CYTH4: variants seen among roughly 807,000 people sequenced by gnomAD.
CYTH4 encodes the protein cytohesin 4, also known as cytohesin-4.
CYTH4 carries 22 observed loss-of-function variants against 57.5 expected under a neutral mutation model. That is an observed-to-expected ratio of 0.38 (90% CI 0.27 to 0.55). The LOEUF (loss-of-function observed/expected upper bound fraction) is 0.55. Among genes scored for constraint, CYTH4 ranks in the 20% least tolerant of loss-of-function variants. The probability of loss-of-function intolerance (pLI) is 0.74; values close to 1 mark genes in which losing one functional copy is unlikely to be tolerated. For synonymous variants in CYTH4, 186 were observed against 206.5 expected, an observed-to-expected ratio of 0.90 and a Z score of 0.85; for missense variants, 420 against 535.6, an observed-to-expected ratio of 0.78 and a Z score of 2.13.
Position 37,311,277 on chromosome 22 carries a change from C to G in CYTH4, c.886-179C>G, listed in dbSNP as rs1265847878. Among the ~76,000 whole-genome samples, 2 of 152,208 alleles carry G rather than the reference C, an allele frequency of 1.3e-5. No homozygotes were observed. Among genetic ancestry groups the G allele is most frequent in the South Asian group, 2.1e-4 (1 of 4,828 alleles). The stretch of plus-strand genomic sequence containing the variant: ...GAGCCCAGGCTTAAAGCTGGGCCTC[C>G]TAAGTTCCGGCCAGAGGTCTTCACA... On this transcript the variant is annotated intron_variant, in intron 10 of 12. Transcript: ENST00000248901. The surrounding 1 kb of genome is among the most constrained non-coding windows in gnomAD (Gnocchi z 4.4).
chr22:37,302,161 G>T, intron 7 of CYTH4: 1 of 165,004 alleles, frequency 6.1e-6, no homozygotes. Context: ...GCCCTACTTT[G>T]TGGTTAGATC....
intron 8 of CYTH4, among the ~76,000 whole-genome samples, chr22:37,308,065 T>A (rs1929465670): frequency 6.6e-6 from 1 of 152,058 alleles, no homozygotes; most frequent in South Asian, 2.1e-4. Flanking sequence ...CCCCGGCCCA[T>A]CCAGCATAGG....
chr22:37,285,111 C>T (rs1025355594), intron 1 of CYTH4, among the ~76,000 whole-genome samples: 5 of 152,186 alleles, frequency 3.3e-5, no homozygotes, highest in African/African-American at 4.8e-5. Context: ...CCTCCTCCTG[C>T]CCTGGAAAGG....
chr22:37,303,231 T>A, intron 7 of CYTH4, 23 bp from the exon 8 acceptor site: 1 of 1,613,178 alleles, frequency 6.2e-7, no homozygotes, highest in Non-Finnish European at 8.5e-7. Context: ...GGGCCAGAAC[T>A]GTGACCGCTG....
intron 1 of CYTH4, among the ~76,000 whole-genome samples, chr22:37,286,784 A>G (rs1018808): frequency 0.58 from 88,733 of 151,876 alleles, 26,225 homozygotes; most frequent in South Asian, 0.78. Context: ...TGAGAGGAGC[A>G]TGGAGGGGAT....
chr22:37,299,992 CA>C (rs753851064), intron 6 of CYTH4: 2 of 709,010 alleles, frequency 2.8e-6, no homozygotes, highest in East Asian at 2.7e-5. Context: ...CTCTGTCTCA[CA>C]AAAAAATAAA....
intron 4 of CYTH4, 145 bp downstream of exon 4, chr22:37,296,210 G>A: frequency 1.2e-6 from 1 of 856,572 alleles, no homozygotes; most frequent in South Asian, 1.8e-5. Context: ...CTTGTCCAGT[G>A]CCCCATGGCC....
intron 8 of CYTH4, among the ~76,000 whole-genome samples, chr22:37,304,549 C>A (rs776569149): frequency 6.6e-6 from 1 of 152,178 alleles, no homozygotes; most frequent in African/African-American, 2.4e-5. Context: ...AGAGGGGGCG[C>A]GAACACCACG....
At chr22:37,292,985 G>C (rs147769809) in intron 2 of CYTH4, among the ~76,000 whole-genome samples, 1 of 152,184 alleles carries the variant, frequency 6.6e-6, no homozygotes, top group African/African-American at 2.4e-5. Context: ...TCACAGGGCA[G>C]GCTCTGACCC....
At chr22:37,310,390 T>A (rs774063739) in intron 9 of CYTH4, among the ~76,000 whole-genome samples, 3 of 152,258 alleles carry the variant, frequency 2.0e-5, no homozygotes, top group Non-Finnish European at 2.9e-5. Context: ...AGCTGTAAGA[T>A]GGGGAGAATG....
In CYTH4 at chr22:37,303,237, C is replaced by T. The variant is rs778462920; in HGVS notation, c.548-17C>T. 6.8e-6 allele frequency: 11 copies of T among 1,613,740 alleles called. No homozygotes were observed. Among genetic ancestry groups the T allele is most frequent in the South Asian group, 4.4e-5 (4 of 91,064 alleles). ...GAGTGGCCAGGGCCAGAACTGTGAC[C>T]GCTGTCCCCTCCGCAGACACCTGCT... On this transcript the variant is annotated splice_polypyrimidine_tract_variant and intron_variant, in intron 7 of 12. Coordinates refer to ENST00000248901, the MANE Select transcript of CYTH4 (RefSeq NM_013385.5).
chr22:37,313,804 C>T lies in CYTH4; in HGVS notation c.*293C>T. 2 of 416,868 alleles carry T rather than the reference C, an allele frequency of 4.8e-6. No homozygotes were observed. The highest frequency in any genetic ancestry group is 4.3e-6 in the Non-Finnish European group (1 of 230,694). The allele number at this position is 416,868 out of a possible 1,614,324, so 25.8% of individuals were successfully genotyped here. On this transcript the variant is annotated 3_prime_UTR_variant, in exon 13 of 13. Transcript: ENST00000248901. ...GAGAGCAGCCAGAGGAAAACCAGCC[C>T]CAGAATGCTGCAACTTCTCTTCTCT...
intron 2 of CYTH4, among the ~76,000 whole-genome samples, chr22:37,294,195 G>A (rs1382190907): frequency 7.9e-6 from 1 of 126,472 alleles, no homozygotes; most frequent in African/African-American, 3.0e-5. Context: ...GGGGAGGTGG[G>A]CAGGGTGGAG....
intron 9 of CYTH4, chr22:37,310,178 C>A (rs1399822676): frequency 8.9e-6 from 3 of 336,068 alleles, no homozygotes; most frequent in Non-Finnish European, 1.9e-5. Flanking sequence ...TGACTCTCCA[C>A]ACCACACCCC....
At chr22:37,309,081 G>C in intron 8 of CYTH4, 131 bp from the exon 9 acceptor site, 1 of 701,590 alleles carries the variant, frequency 1.4e-6, no homozygotes. Flanking sequence ...CAGGGACCAC[G>C]ATAAACAGGT....
In CYTH4 at chr22:37,288,388, G is replaced by C. The variant is rs1928627728; in HGVS notation, c.20-4233G>C. 3.9e-5 allele frequency among the ~76,000 whole-genome samples: 6 copies of C among 152,190 alleles called. No homozygotes were observed. In the South Asian group the frequency reaches 1.0e-3, roughly 26 times the overall value. On this transcript the variant is annotated intron_variant, in intron 1 of 12. Coordinates refer to ENST00000248901, the MANE Select transcript of CYTH4 (RefSeq NM_013385.5). ...GGTCGTGCCACTGCACTCCAGCCTG[G>C]TGACAGAGTGAGACTCTGTCTCAAA...
intron 1 of CYTH4, among the ~76,000 whole-genome samples, chr22:37,283,083 ATGTT>A (rs1185776753): frequency 1.3e-5 from 2 of 152,054 alleles, no homozygotes; most frequent in Admixed American, 1.3e-4. Context: ...TGATGATGGG[ATGTT>A]GGTGATGGCG....
intron 8 of CYTH4, among the ~76,000 whole-genome samples, chr22:37,308,189 G>C (rs5756604): frequency 6.6e-6 from 1 of 152,078 alleles, no homozygotes; most frequent in Admixed American, 6.5e-5. Flanking sequence ...GGCTCCTCAG[G>C]GGCCCCTCAA....
chr22:37,308,619 A>G (rs1033977437), intron 8 of CYTH4, among the ~76,000 whole-genome samples: 2 of 149,496 alleles, frequency 1.3e-5, no homozygotes, highest in African/African-American at 5.0e-5. Flanking sequence ...TGTGTGCATA[A>G]GCATGCATGT....
Sources: allele counts gnomAD v4.1 joint callset (sites outside exome capture counted in the v4.1 genomes callset), GRCh38; gene constraint gnomAD v4.1.1; non-coding constraint Gnocchi (gnomAD v3.1); transcripts MANE v1.5; gene names NCBI Gene and HGNC (gene_info 2026-07-23, HGNC 2026-07-21).